The following ZNF578 variants were observed in gnomAD, a reference collection of about 807,000 sequenced individuals.
The protein encoded by ZNF578 is Putative chemokine-related protein B42.
ZNF578 carries 8 observed loss-of-function variants against 8.3 expected under a neutral mutation model. That is an observed-to-expected ratio of 0.96 (90% CI 0.56 to 1.74). The LOEUF (loss-of-function observed/expected upper bound fraction) is 1.74, where lower values mean the gene tolerates loss of function less well. Among genes scored for constraint, ZNF578 ranks in the 40% most tolerant of loss-of-function variants. The probability of loss-of-function intolerance (pLI) is 0.00; values close to 1 mark genes in which losing one functional copy is unlikely to be tolerated. For synonymous variants in ZNF578, 206 were observed against 232.2 expected (o/e 0.89, Z 1.03); for missense variants, 726 against 707.5 (o/e 1.03, Z -0.30).
At chr19:52,468,402 A>G (rs1261419110) in intron 2 of ZNF578, among the ~76,000 whole-genome samples, 5 of 152,256 alleles carry the variant, frequency 3.3e-5, no homozygotes, top group Admixed American at 2.0e-4. Flanking sequence ...ATATTGTGCA[A>G]TGGGACCTAT....
intron 2 of ZNF578, chr19:52,473,808 T>C (rs2059299583): frequency 6.3e-6 from 2 of 315,030 alleles, no homozygotes; most frequent in Admixed American, 4.8e-5. Context: ...GCACATTTAT[T>C]GCATTTGTAA....
At chr19:52,486,474 G>A (rs2122861953) in intron 2 of ZNF578, among the ~76,000 whole-genome samples, 1 of 152,232 alleles carries the variant, frequency 6.6e-6, no homozygotes, top group Admixed American at 6.5e-5. Flanking sequence ...ACAGAAAAAA[G>A]TAAGAAAGCA....
chr19:52,454,993 A>C (rs555540105), intron 1 of ZNF578: 2 of 152,136 alleles, frequency 1.3e-5, no homozygotes, highest in Non-Finnish European at 2.9e-5. Flanking sequence ...TACCTGTCTC[A>C]AGCCCCGTGC....
At position 52,511,486 on chromosome 19, in the gene ZNF578, A is replaced by C. The variant is rs1168047233; in HGVS notation, c.1105A>C (p.Lys369Gln). Residue 369 changes from lysine to glutamine, a missense_variant, in exon 6 of 6, where the codon AAA (lysine) becomes CAA (glutamine). Physicochemically the swap from Lys to Gln is moderately conservative, Grantham distance 53. Transcript: ENST00000421239. Reference sequence around the variant, plus strand: ...CCATCGTAGACTTCATACTGGAATAAAACCTTACAAGTGTAATGAGTGTGG... The same window carrying C: ...CCATCGTAGACTTCATACTGGAATACAACCTTACAAGTGTAATGAGTGTGG... ...RCHRRLHTGI[K>Q]PYKCNECGKM... 31 of 1,614,060 alleles carry C rather than the reference A, an allele frequency of 1.9e-5. No homozygotes were observed. Among genetic ancestry groups the C allele is most frequent in the Non-Finnish European group, 2.5e-5 (29 of 1,179,948 alleles).
chr19:52,479,234 C>A (rs773696826), intron 2 of ZNF578, among the ~76,000 whole-genome samples: 2 of 151,974 alleles, frequency 1.3e-5, no homozygotes, highest in Non-Finnish European at 2.9e-5. Context: ...TAACCTGATT[C>A]AGAAATTTCT....
rs997382613 is a variant in ZNF578 at position 52,514,026 on chromosome 19, A to C, written c.*1872A>C. On this transcript the variant is annotated 3_prime_UTR_variant, in exon 6 of 6. Coordinates refer to ENST00000421239, the MANE Select transcript of ZNF578 (RefSeq NM_001099694.2). ...GTTGGCAGAGTGAGTCTCCATCTCA[A>C]ACAAACAAATGAAAAAAACAGACAT... Among the ~76,000 whole-genome samples the C allele has an allele frequency of 1.3e-5, 2 of 151,598 alleles. No individual in the cohort carries two copies. The highest frequency in any genetic ancestry group is 4.9e-5 in the African/African-American group (2 of 41,234).
intron 5 of ZNF578, among the ~76,000 whole-genome samples, chr19:52,507,213 C>T (rs552578983): frequency 6.6e-5 from 10 of 152,264 alleles, no homozygotes; most frequent in Admixed American, 6.5e-5. Flanking sequence ...CATGGTGAAA[C>T]CCCATATCTA....
At chr19:52,469,404 C>T (rs1406464839) in intron 2 of ZNF578, among the ~76,000 whole-genome samples, 1 of 152,134 alleles carries the variant, frequency 6.6e-6, no homozygotes, top group African/African-American at 2.4e-5. Context: ...AAGTAATCCA[C>T]CTGCCTTGGC....
chr19:52,465,467 C>T lies in ZNF578; in HGVS notation c.-122+8509C>T, dbSNP rs923116257. Among the ~76,000 whole-genome samples, 5 of 152,190 alleles carry T rather than the reference C, an allele frequency of 3.3e-5. No individual in the cohort carries two copies. The East Asian group carries it at 9.7e-4, about 29-fold the overall frequency. On this transcript the variant is annotated intron_variant, in intron 2 of 5. Coordinates refer to ENST00000421239, the MANE Select transcript of ZNF578 (RefSeq NM_001099694.2). ...AGTTCTGATTATCAAACTCCTCTCT[C>T]TCCTCCTCTGACTCAGCCTCATCGT...
At chr19:52,474,390 A>T (rs558067108) in intron 2 of ZNF578, 1 of 295,034 alleles carries the variant, frequency 3.4e-6, no homozygotes, top group African/African-American at 2.2e-5. Context: ...ACCTTGTAAC[A>T]TTCATTACAT....
Position 52,480,608 on chromosome 19 carries a change from A to T in ZNF578, c.-121-10716A>T, listed in dbSNP as rs554386526. On this transcript the variant is annotated intron_variant, in intron 2 of 5. Transcript: ENST00000421239. Reference sequence around the variant, plus strand: ...GATGTAAGGATTTAAAAAAAAAAAAAAATTTTTGGCCGGGCACAGTGGCTC... The same window carrying T: ...GATGTAAGGATTTAAAAAAAAAAAATAATTTTTGGCCGGGCACAGTGGCTC... Among the ~76,000 whole-genome samples, 12 of 151,670 alleles carry T rather than the reference A, an allele frequency of 7.9e-5. No homozygotes were observed. The East Asian group carries it at 1.8e-3, about 22-fold the overall frequency.
chr19:52,496,953 T>C (rs1416199030), intron 3 of ZNF578, among the ~76,000 whole-genome samples: 1 of 151,682 alleles, frequency 6.6e-6, no homozygotes, highest in African/African-American at 2.4e-5. Flanking sequence ...TTTTATTTTT[T>C]TGAGACACTC....
chr19:52,508,497 C>T (rs2033738395), intron 5 of ZNF578, among the ~76,000 whole-genome samples: 1 of 151,614 alleles, frequency 6.6e-6, no homozygotes, highest in African/African-American at 2.4e-5. Flanking sequence ...TCCTATTGGT[C>T]CACTATCAGA....
intron 3 of ZNF578, among the ~76,000 whole-genome samples, chr19:52,496,772 T>A (rs1000643847): frequency 6.6e-6 from 1 of 151,174 alleles, no homozygotes; most frequent in Non-Finnish European, 1.5e-5. Context: ...TAAGTAGTTA[T>A]GATTACAGGC....
At position 52,514,907 on chromosome 19, in the gene ZNF578, C is replaced by T. The variant is rs10414863; in HGVS notation, c.*2753C>T. On this transcript the variant is annotated 3_prime_UTR_variant, in exon 6 of 6. Transcript: ENST00000421239. Reference sequence around the variant, plus strand: ...CAAACTCCTGACCTCGCGATCCACCCGACTCAGCCTCCCACTGTGATGGGA... The same window carrying T: ...CAAACTCCTGACCTCGCGATCCACCTGACTCAGCCTCCCACTGTGATGGGA... 0.016 allele frequency among the ~76,000 whole-genome samples: 2,457 copies of T among 151,290 alleles called. 58 individuals are homozygous for T. The highest frequency in any genetic ancestry group is 0.053 in the African/African-American group (2,163 of 41,180).
Position 52,515,315 on chromosome 19 carries a change from G to A in ZNF578, c.*3161G>A, listed in dbSNP as rs927491327. Among the ~76,000 whole-genome samples the A allele has an allele frequency of 1.6e-4, 24 of 152,134 alleles. No individual in the cohort carries two copies. Among genetic ancestry groups the A allele is most frequent in the African/African-American group, 5.8e-4 (24 of 41,428 alleles). ...TTGCTTATTTCTTAGTTCTACAGCT[G>A]ACCCTCTTTCACTGTTTCCAAGGTC... On this transcript the variant is annotated 3_prime_UTR_variant, in exon 6 of 6. Coordinates refer to ENST00000421239, the MANE Select transcript of ZNF578 (RefSeq NM_001099694.2).
chr19:52,475,945 G>A (rs2059307078), intron 2 of ZNF578, among the ~76,000 whole-genome samples: 1 of 152,112 alleles, frequency 6.6e-6, no homozygotes, highest in South Asian at 2.1e-4. Context: ...ATATTCCAAG[G>A]CTCCTTTCAT....
chr19:52,501,782 G>C (rs1304231663), intron 3 of ZNF578, 45 bp from the exon 4 acceptor site: 8 of 1,593,900 alleles, frequency 5.0e-6, no homozygotes, highest in Non-Finnish European at 6.8e-6. Flanking sequence ...CAGGAAGGGA[G>C]TGAGTCATAT....
intron 2 of ZNF578, among the ~76,000 whole-genome samples, chr19:52,468,609 ATAAAG>A (rs373430156): frequency 1.4e-4 from 22 of 152,298 alleles, no homozygotes; most frequent in African/African-American, 5.3e-4. Flanking sequence ...TAGATGGCTG[ATAAAG>A]TATTGTTTCT....
Sources: allele counts gnomAD v4.1 joint callset (sites outside exome capture counted in the v4.1 genomes callset), GRCh38; gene constraint gnomAD v4.1.1; transcripts MANE v1.5; gene names NCBI Gene and HGNC (gene_info 2026-07-23, HGNC 2026-07-21).